RAPGEF2: variants seen among roughly 807,000 people sequenced by gnomAD.
The protein encoded by RAPGEF2 is Rap guanine nucleotide exchange factor 2.
In RAPGEF2, 54 loss-of-function variants were observed where a neutral mutation model predicts 186.7. That is an observed-to-expected ratio of 0.29 (90% CI 0.23 to 0.36). The LOEUF (loss-of-function observed/expected upper bound fraction) is 0.36. RAPGEF2 is among the 10% of genes least tolerant of loss of function. The pLI is 1.00. For missense variants in RAPGEF2, 1,532 were observed against 2,045.0 expected, an observed-to-expected ratio of 0.75 and a Z score of 4.84; for synonymous variants, 712 against 705.9, an observed-to-expected ratio of 1.01 and a Z score of -0.14.
At chr4:159,141,822 C>A (rs1742370967) in intron 1 of RAPGEF2, among the ~76,000 whole-genome samples, 1 of 152,066 alleles carries the variant, frequency 6.6e-6, no homozygotes, top group African/African-American at 2.4e-5. Flanking sequence ...TGGTTAGTGG[C>A]CATTATTAAA....
At chr4:159,160,754 G>A (rs1241365724) in intron 1 of RAPGEF2, among the ~76,000 whole-genome samples, 3 of 152,140 alleles carry the variant, frequency 2.0e-5, no homozygotes, top group African/African-American at 7.2e-5. Flanking sequence ...TGAATTTGTA[G>A]TGCATGCTCT....
At chr4:159,342,603 T>C (rs1168423725) in intron 20 of RAPGEF2, among the ~76,000 whole-genome samples, 3 of 147,522 alleles carry the variant, frequency 2.0e-5, no homozygotes, top group Admixed American at 6.8e-5. Flanking sequence ...TTTATTTTAT[T>C]TTATTTTATT....
chr4:159,266,407 C>G (rs767606961), intron 7 of RAPGEF2, among the ~76,000 whole-genome samples: 2 of 152,108 alleles, frequency 1.3e-5, no homozygotes, highest in Non-Finnish European at 2.9e-5. Context: ...ATAGATAAAC[C>G]TGATTGTGAA....
At chr4:159,288,725 A>G (rs1027411040) in intron 7 of RAPGEF2, among the ~76,000 whole-genome samples, 3 of 152,064 alleles carry the variant, frequency 2.0e-5, no homozygotes, top group Admixed American at 1.3e-4. Context: ...AACTCCTCAG[A>G]ACCGTCAGAT....
At chr4:159,326,469 A>G (rs1283894543) in intron 11 of RAPGEF2, among the ~76,000 whole-genome samples, 3 of 152,224 alleles carry the variant, frequency 2.0e-5, no homozygotes, top group African/African-American at 7.2e-5. Flanking sequence ...GAGTTCCAAA[A>G]TGAATATTGG....
At chr4:159,124,190 T>TC (rs200767737) in intron 1 of RAPGEF2, among the ~76,000 whole-genome samples, 3,650 of 152,050 alleles carry the variant, frequency 0.024, 137 homozygotes, top group African/African-American at 0.083. Flanking sequence ...AGTTTTTCTT[T>TC]CTCAATTGTC....
chr4:159,330,160 C>T (rs1324720961), intron 12 of RAPGEF2, 150 bp downstream of exon 12: 14 of 855,776 alleles, frequency 1.6e-5, no homozygotes, highest in Non-Finnish European at 2.3e-5. Context: ...TAGTGAATAG[C>T]AGTTTCATTA....
At chr4:159,246,727 G>T (rs1754668177) in intron 7 of RAPGEF2, among the ~76,000 whole-genome samples, 1 of 152,038 alleles carries the variant, frequency 6.6e-6, no homozygotes, top group African/African-American at 2.4e-5. Flanking sequence ...TAAGAAGTAG[G>T]CAATATTTTT....
chr4:159,199,099 T>G (rs1579443292), intron 3 of RAPGEF2, among the ~76,000 whole-genome samples: 1 of 151,554 alleles, frequency 6.6e-6, no homozygotes, highest in East Asian at 1.9e-4. Flanking sequence ...AGGTTTTAAT[T>G]TATTTGAAAA....
In RAPGEF2 at chr4:159,217,359, T is replaced by G. The variant is rs116643390; in HGVS notation, c.281+6776T>G. On this transcript the variant is annotated intron_variant, in intron 4 of 29. Coordinates refer to ENST00000691494, the MANE Select transcript of RAPGEF2 (RefSeq NM_001394067.2). ...CTCTTGTAGTCCCCAGTGTTTGTTG[T>G]TGCCATGTTTATGTCCATGAGTACC... Among the ~76,000 whole-genome samples, 385 of 152,302 alleles carry G rather than the reference T, an allele frequency of 2.5e-3. 1 individual carries two copies. The highest frequency in any genetic ancestry group is 8.7e-3 in the African/African-American group (361 of 41,552).
chr4:159,354,309 T>C (rs576623187), intron 28 of RAPGEF2, among the ~76,000 whole-genome samples: 1 of 152,320 alleles, frequency 6.6e-6, no homozygotes, highest in East Asian at 1.9e-4. Flanking sequence ...AGATTGTCAT[T>C]GTGAATATTA....
chr4:159,215,147 G>T (rs983978305), intron 4 of RAPGEF2, among the ~76,000 whole-genome samples: 1 of 151,898 alleles, frequency 6.6e-6, no homozygotes, highest in African/African-American at 2.4e-5. Context: ...ACAGGTGTGA[G>T]CCACTGCCAG....
chr4:159,312,792 G>C (rs1312036973), intron 8 of RAPGEF2, among the ~76,000 whole-genome samples: 2 of 152,168 alleles, frequency 1.3e-5, no homozygotes, highest in Non-Finnish European at 2.9e-5. Context: ...CAAAATGTAG[G>C]ATTAAATCTT....
intron 9 of RAPGEF2, among the ~76,000 whole-genome samples, chr4:159,319,806 A>C (rs1166601976): frequency 6.6e-6 from 1 of 151,990 alleles, no homozygotes; most frequent in Non-Finnish European, 1.5e-5. Flanking sequence ...TATATATCAC[A>C]AATTAAACTC....
intron 1 of RAPGEF2, among the ~76,000 whole-genome samples, chr4:159,137,816 A>G (rs1179650631): frequency 1.3e-5 from 2 of 152,080 alleles, no homozygotes; most frequent in Admixed American, 1.3e-4. Context: ...AATACATGCA[A>G]CTAATTACCT....
chr4:159,243,125 T>A lies in RAPGEF2; in HGVS notation c.526-649T>A, dbSNP rs544752863. Reference sequence around the variant, plus strand: ...TTTATTGTTACAAGTTTTTTTTTTTTAAGTGGATTTTTAAGAGTGTCTTAC... The same window carrying A: ...TTTATTGTTACAAGTTTTTTTTTTTAAAGTGGATTTTTAAGAGTGTCTTAC... On this transcript the variant is annotated intron_variant, in intron 6 of 29. Transcript: ENST00000691494. Among the ~76,000 whole-genome samples, 5 of 151,016 alleles carry A rather than the reference T, an allele frequency of 3.3e-5. No individual in the cohort carries two copies. The East Asian group carries it at 5.8e-4, about 17-fold the overall frequency.
At chr4:159,104,291 C>A in intron 1 of RAPGEF2, 60 bp downstream of exon 1, 1 of 838,920 alleles carries the variant, frequency 1.2e-6, no homozygotes, top group South Asian at 1.7e-5. Context: ...CTGCGTCTTC[C>A]CCTGTCCCCC....
intron 1 of RAPGEF2, among the ~76,000 whole-genome samples, chr4:159,146,167 A>G (rs1026685679): frequency 1.3e-5 from 2 of 152,130 alleles, no homozygotes; most frequent in Non-Finnish European, 2.9e-5. Context: ...ATATAATTCT[A>G]TGAAATTATA....
intron 4 of RAPGEF2, among the ~76,000 whole-genome samples, chr4:159,211,864 T>C (rs1750565754): frequency 6.6e-6 from 1 of 152,178 alleles, no homozygotes; most frequent in South Asian, 2.1e-4. Context: ...GTTTCTGTAG[T>C]AGCAATAGTC....
Sources: gnomAD v4.1 joint callset for allele counts (sites outside exome capture counted in the v4.1 genomes callset) on GRCh38, gnomAD v4.1.1 for gene constraint, MANE v1.5 for transcripts, NCBI Gene and HGNC (gene_info 2026-07-23, HGNC 2026-07-21) for gene names.